OR5P3: variants seen among roughly 807,000 people sequenced by gnomAD.
The protein encoded by OR5P3 is olfactory receptor family 5 subfamily P member 3.
For missense variants in OR5P3, 415 were observed against 375.6 expected, an observed-to-expected ratio of 1.10 and a Z score of -0.87; for synonymous variants, 172 against 141.8, an observed-to-expected ratio of 1.21 and a Z score of -1.51.
chr11:7,826,025 G>A (rs1016359140), intron 1 of OR5P3, 32 bp from the exon 2 acceptor site: 3 of 973,788 alleles, frequency 3.1e-6, no homozygotes, highest in Admixed American at 4.8e-5. Context: ...ATTATAATGG[G>A]ATTAAATGCT....
rs117206922 is a variant in OR5P3, at chr11:7,828,074, T to A, written c.-21-2081A>T. On this transcript the variant is annotated intron_variant, in intron 1 of 1. Coordinates refer to ENST00000641167, the MANE Select transcript of OR5P3 (RefSeq NM_153445.2). Reference sequence around the variant, plus strand: ...ATTTGTAGGTAGGAAGGAGAGAGAATGTCCACAAGCAGCAACAAGGGAAAT... The same window carrying A: ...ATTTGTAGGTAGGAAGGAGAGAGAAAGTCCACAAGCAGCAACAAGGGAAAT... Among the ~76,000 whole-genome samples, 632 of 152,076 alleles carry A rather than the reference T, an allele frequency of 4.2e-3. 6 individuals carry two copies. The highest frequency in any genetic ancestry group is 4.6e-3 in the Non-Finnish European group (310 of 67,980).
At chr11:7,830,424 T>C (rs1440073086) in intron 1 of OR5P3, among the ~76,000 whole-genome samples, 5 of 152,174 alleles carry the variant, frequency 3.3e-5, no homozygotes, top group Admixed American at 1.3e-4. Context: ...CAAGAATGAA[T>C]GAATGCTTAA....
Position 7,825,765 on chromosome 11 carries a change from C to T in OR5P3, c.208G>A (p.Asp70Asn), listed in dbSNP as rs755748214. Residue 70 changes from aspartate (D) to asparagine (N), a missense_variant, in exon 2 of 2, where the codon GAC becomes AAC. By Grantham distance (23) the Asp-to-Asn change is conservative (BLOSUM62 1). Transcript: ENST00000641167. ...YIFLCHLAFV[D>N]IGYSSSVTPV... The stretch of plus-strand genomic sequence containing the variant: ...GTGACTGATGAGGAGTACCCAATGT[C>T]TACAAAGGCCAAATGGCAGAGGAAA... 2 of 1,613,178 alleles carry T rather than the reference C, an allele frequency of 1.2e-6. No homozygotes were observed. The highest frequency in any genetic ancestry group is 1.7e-6 in the Non-Finnish European group (2 of 1,180,004).
At position 7,825,305 on chromosome 11, in the gene OR5P3, A is replaced by T. The variant is rs1428532163; in HGVS notation, c.668T>A (p.Ile223Asn). ...VIAISYIYIL[I>N]TILKMHSTKG... is the part of the protein sequence containing the mutation. The stretch of plus-strand genomic sequence containing the variant: ...GGTGGAGTGCATCTTCAGGATGGTG[A>T]TGAGGATATAGATGTAGGATATGGC... The change falls in exon 2 of 2, where the codon ATC becomes AAC. Residue 223 changes from isoleucine to asparagine, a missense_variant. Physicochemically the swap from Ile to Asn is moderately radical, Grantham distance 149. Transcript: ENST00000641167. 1.2e-6 allele frequency: 2 copies of T among 1,613,210 alleles called. No homozygotes were observed. The highest frequency in any genetic ancestry group is 3.3e-5 in the Admixed American group (2 of 59,990).
intron 1 of OR5P3, among the ~76,000 whole-genome samples, chr11:7,826,554 C>A (rs1433794948): frequency 6.6e-6 from 1 of 152,142 alleles, no homozygotes; most frequent in Non-Finnish European, 1.5e-5. Context: ...AGAGATTTCA[C>A]AATTGAGGAA....
chr11:7,828,362 G>C (rs935314712), intron 1 of OR5P3, among the ~76,000 whole-genome samples: 7 of 152,188 alleles, frequency 4.6e-5, no homozygotes, highest in Admixed American at 6.6e-5. Flanking sequence ...TCAAGAGAAG[G>C]CTTGGATACT....
chr11:7,825,197 T>C lies in OR5P3; in HGVS notation c.776A>G (p.Tyr259Cys). The C allele has an allele frequency of 6.2e-7, 1 of 1,611,846 alleles. No homozygotes were observed. Among genetic ancestry groups the C allele is most frequent in the Non-Finnish European group, 8.5e-7 (1 of 1,179,994 alleles). ...TLFYGTITFI[Y>C]VMPKSSYSTD... ...TGAGTAGCTGGACTTGGGCATCACA[T>C]AAATGAAGGTAATGGTCCCATAGAA... The change falls in exon 2 of 2, where the codon TAT becomes TGT. Residue 259 changes from tyrosine (Y) to cysteine (C), a missense_variant. Transcript: ENST00000641167.
intron 1 of OR5P3, among the ~76,000 whole-genome samples, chr11:7,828,705 C>CA (rs1222446081): frequency 2.0e-5 from 3 of 151,984 alleles, no homozygotes; most frequent in Non-Finnish European, 4.4e-5. Flanking sequence ...GTTAAAAAAA[C>CA]AAAAAAACTG....
intron 1 of OR5P3, among the ~76,000 whole-genome samples, chr11:7,829,637 C>T (rs1857785770): frequency 6.6e-6 from 1 of 152,210 alleles, no homozygotes; most frequent in African/African-American, 2.4e-5. Flanking sequence ...CTATACTCTA[C>T]ACATCCATAT....
rs781125017 is a variant in OR5P3, at chr11:7,825,243, G to A, written c.730C>T (p.His244Tyr). The part of the protein sequence containing the change: ...RHKAFSTCTS[H>Y]LTAVTLFYGT... ...TAGAACAGAGTGACTGCAGTGAGGTGGGAGGTGCAGGTGGAGAAGGCCTTG... is the reference window on the plus strand; with the variant it reads ...TAGAACAGAGTGACTGCAGTGAGGTAGGAGGTGCAGGTGGAGAAGGCCTTG... The change falls in exon 2 of 2, where the codon CAC becomes TAC. Residue 244 changes from histidine to tyrosine, a missense_variant. His to Tyr is a moderately conservative substitution (Grantham distance 83). Coordinates refer to ENST00000641167, the MANE Select transcript of OR5P3 (RefSeq NM_153445.2). 7 of 1,613,050 alleles carry A rather than the reference G, an allele frequency of 4.3e-6. No homozygotes were observed. The highest frequency in any genetic ancestry group is 5.9e-6 in the Non-Finnish European group (7 of 1,180,016).
At position 7,825,979 on chromosome 11, in the gene OR5P3, T is replaced by G; in HGVS notation, c.-7A>C. On this transcript the variant is annotated 5_prime_UTR_variant, in exon 2 of 2. Transcript: ENST00000641167. ...TGTCATTTCCAGTCCCCATCTATAT[T>G]GGGAATGGTGCCAACTGAAAGAAAA... The G allele has an allele frequency of 2.9e-6, 4 of 1,389,624 alleles. No individual in the cohort carries two copies. Among genetic ancestry groups the G allele is most frequent in the Non-Finnish European group, 4.0e-6 (4 of 1,005,054 alleles). The allele number at this position is 1,389,624 out of a possible 1,614,324, so 86.1% of individuals were successfully genotyped here.
chr11:7,825,527 T>G lies in OR5P3; in HGVS notation c.446A>C (p.Tyr149Ser). 1 of 1,613,082 alleles carries G rather than the reference T, an allele frequency of 6.2e-7. No individual in the cohort carries two copies. Among genetic ancestry groups the G allele is most frequent in the Non-Finnish European group, 8.5e-7 (1 of 1,180,002 alleles). The change falls in exon 2 of 2, where the codon TAC (tyrosine) becomes TCC (serine). Residue 149 changes from tyrosine (Y) to serine (S), a missense_variant. Coordinates refer to ENST00000641167, the MANE Select transcript of OR5P3 (RefSeq NM_153445.2). ...CCAAGCATTCACACATCCACCCAGGTAGGACATGCCCACTAAGATGATGCA... is the reference window on the plus strand; with the variant it reads ...CCAAGCATTCACACATCCACCCAGGGAGGACATGCCCACTAAGATGATGCA... The part of the protein sequence containing the change: ...GVCIILVGMS[Y>S]LGGCVNAWTF...
chr11:7,829,197 C>T (rs1290914123), intron 1 of OR5P3, among the ~76,000 whole-genome samples: 2 of 152,088 alleles, frequency 1.3e-5, no homozygotes, highest in African/African-American at 4.8e-5. Flanking sequence ...CACCAAAGGG[C>T]ATCAGCAAGA....
At chr11:7,826,126 C>T in intron 1 of OR5P3, 133 bp from the exon 2 acceptor site, 3 of 574,216 alleles carry the variant, frequency 5.2e-6, no homozygotes, top group Non-Finnish European at 9.1e-6. Flanking sequence ...AATGCTTTCA[C>T]ACACAGTATC....
rs1274779064 is a variant in OR5P3 at position 7,824,928 on chromosome 11, C to G, written c.*109G>C. 1 of 751,728 alleles carries G rather than the reference C, an allele frequency of 1.3e-6. No individual in the cohort carries two copies. The highest frequency in any genetic ancestry group is 1.9e-6 in the Non-Finnish European group (1 of 520,240). 46.6% of individuals were successfully genotyped at this position (751,728 alleles called of 1,614,324 possible). ...TCCTGATTGACTAAAAAGCTCCACA[C>G]TGGGTAATGGTCTATGGACAGATAA... is the stretch of plus-strand genomic sequence containing the variant. On this transcript the variant is annotated 3_prime_UTR_variant, in exon 2 of 2. Coordinates refer to ENST00000641167, the MANE Select transcript of OR5P3 (RefSeq NM_153445.2).
chr11:7,826,018 A>C (rs763591620), intron 1 of OR5P3, 25 bp from the exon 2 acceptor site: 1 of 1,047,686 alleles, frequency 9.5e-7, no homozygotes, highest in Non-Finnish European at 1.4e-6. Context: ...AATGAATATT[A>C]TAATGGGATT....
chr11:7,830,755 A>T (rs538497238), intron 1 of OR5P3, 69 bp downstream of exon 1: 1 of 152,338 alleles, frequency 6.6e-6, no homozygotes, highest in South Asian at 2.1e-4. Context: ...TTAAAAAACT[A>T]TACCTTAACT....
At chr11:7,830,682 T>C (rs1041805336) in intron 1 of OR5P3, 142 bp downstream of exon 1, 1 of 152,218 alleles carries the variant, frequency 6.6e-6, no homozygotes, top group African/African-American at 2.4e-5. Flanking sequence ...TAAGATGATG[T>C]ACATGATAAT....
chr11:7,825,986 GGTGCCAACT>G lies in OR5P3; in HGVS notation c.-21-2_-15del. The G allele has an allele frequency of 1.5e-6, 2 of 1,324,250 alleles. No individual in the cohort carries two copies. The highest frequency in any genetic ancestry group is 2.1e-6 in the Non-Finnish European group (2 of 960,722). 82.0% of individuals were successfully genotyped at this position (1,324,250 alleles called of 1,614,324 possible). A position where few individuals can be genotyped will look rare whatever the true frequency, so the allele number is the denominator to read the frequency against. On this transcript the variant is annotated splice_acceptor_variant and 5_prime_UTR_variant, in exon 2 of 2. Coordinates refer to ENST00000641167, the MANE Select transcript of OR5P3 (RefSeq NM_153445.2). LOFTEE classifies it low-confidence loss of function (5UTR_SPLICE). ...TCCAGTCCCCATCTATATTGGGAAT[GGTGCCAACT>G]GAAAGAAAAACAAATGAATATTATA...
Sources: gnomAD v4.1 joint callset for allele counts (sites outside exome capture counted in the v4.1 genomes callset) on GRCh38, gnomAD v4.1.1 for gene constraint, MANE v1.5 for transcripts, NCBI Gene and HGNC (gene_info 2026-07-23, HGNC 2026-07-21) for gene names.